Variants in FZR1 observed in about 807,000 individuals in gnomAD.
FZR1 encodes the protein fizzy-related protein homolog.
FZR1 carries 11 observed loss-of-function variants against 63.6 expected under a neutral mutation model. The observed-to-expected ratio is 0.17, with a 90% CI of 0.11 to 0.29. The LOEUF (loss-of-function observed/expected upper bound fraction) is 0.29. Among genes scored for constraint, FZR1 ranks in the 10% least tolerant of loss-of-function variants. FZR1 has a pLI of 1.00. For missense variants in FZR1, 440 were observed against 687.5 expected (o/e 0.64, Z 4.03); for synonymous variants, 328 against 297.9 (o/e 1.10, Z -1.04).
rs772168099 is a variant in FZR1 at position 3,525,744 on chromosome 19, C to T, written c.70-124C>T. ...GGCGTGAGCCACCGCGCCTGGCCCA[C>T]CCCTTGGGTTTTCAAGATCAAAGCC... On this transcript the variant is annotated intron_variant, in intron 2 of 13. Transcript: ENST00000441788. The surrounding 1 kb of genome is among the most constrained non-coding windows in gnomAD (Gnocchi z 4.2). 4 of 1,234,078 alleles carry T rather than the reference C, an allele frequency of 3.2e-6. No homozygotes were observed. Among genetic ancestry groups the T allele is most frequent in the Non-Finnish European group, 3.4e-6 (3 of 885,072 alleles). 76.4% of individuals were successfully genotyped at this position (1,234,078 alleles called of 1,614,324 possible). A position where few individuals can be genotyped will look rare whatever the true frequency, so the allele number is the denominator to read the frequency against.
intron 8 of FZR1, 64 bp downstream of exon 8, chr19:3,530,921 C>A (rs2083240648): frequency 1.5e-6 from 2 of 1,293,314 alleles, no homozygotes; most frequent in Non-Finnish European, 2.2e-6. Context: ...GTGTTGGGGG[C>A]CTTGAAGACC....
intron 6 of FZR1, 101 bp from the exon 7 acceptor site, chr19:3,527,530 C>T: frequency 1.1e-6 from 1 of 895,146 alleles, no homozygotes; most frequent in Non-Finnish European, 1.7e-6. Flanking sequence ...AGGGGCCGGA[C>T]TGGGCTCCTG....
chr19:3,508,997 A>G (rs1223744893), intron 1 of FZR1, among the ~76,000 whole-genome samples: 1 of 152,180 alleles, frequency 6.6e-6, no homozygotes, highest in Non-Finnish European at 1.5e-5. Flanking sequence ...TGCCACAGGG[A>G]CCTGGGCACC....
At chr19:3,518,435 G>A (rs535319450) in intron 1 of FZR1, among the ~76,000 whole-genome samples, 13 of 152,352 alleles carry the variant, frequency 8.5e-5, no homozygotes, top group African/African-American at 2.9e-4. Flanking sequence ...AGCCAAGGGT[G>A]CTGAAAGTAC....
At chr19:3,530,413 TGGGAGAGCGCATGGGAGAGCGGA>T (rs2083232774) in intron 7 of FZR1, among the ~76,000 whole-genome samples, 1 of 73,240 alleles carries the variant, frequency 1.4e-5, no homozygotes, top group Non-Finnish European at 3.1e-5. Context: ...GGAGAGCGCA[TGGGAGAGCGCATGGGAGAGCGGA>T]TGGGAGAGCG....
rs1339672698 is a variant in FZR1, at chr19:3,533,104, CCACCTGTGGCCTCCA to C, written c.1243-184_1243-170del. On this transcript the variant is annotated intron_variant, in intron 11 of 13. Transcript: ENST00000441788. The surrounding 1 kb of genome is among the most constrained non-coding windows in gnomAD (Gnocchi z 4.9). ...AGCCTTTGGCGGTGGGTGGAGGGGTCCACCTGTGGCCTCCACACCTCCTAGACAGACTCAGGTGGC... is the reference window on the plus strand; with the variant it reads ...AGCCTTTGGCGGTGGGTGGAGGGGTCCACCTCCTAGACAGACTCAGGTGGC... 2.0e-5 allele frequency among the ~76,000 whole-genome samples: 3 copies of C among 152,040 alleles called. No individual in the cohort carries two copies. Among genetic ancestry groups the C allele is most frequent in the African/African-American group, 7.3e-5 (3 of 41,378 alleles).
Position 3,534,538 on chromosome 19 carries a change from A to G in FZR1, c.1440+25A>G, listed in dbSNP as rs369223327. On this transcript the variant is annotated intron_variant, in intron 13 of 13. Coordinates refer to ENST00000441788, the MANE Select transcript of FZR1 (RefSeq NM_016263.4). ...GGTAAAGTGGGTCGGTATCAGCGCC[A>G]CTCGCCCCCGCCCCAGCCTGTCCCA... 3 of 1,459,302 alleles carry G rather than the reference A, an allele frequency of 2.1e-6. No individual in the cohort carries two copies. In the African/African-American group the frequency reaches 4.2e-5, roughly 21 times the overall value. The allele number at this position is 1,459,302 out of a possible 1,614,324, so 90.4% of individuals were successfully genotyped here. A position where few individuals can be genotyped will look rare whatever the true frequency, so the allele number is the denominator to read the frequency against.
chr19:3,532,688 G>T (rs1408935558), intron 11 of FZR1, 38 bp downstream of exon 11: 1 of 1,423,042 alleles, frequency 7.0e-7, no homozygotes, highest in South Asian at 1.2e-5. Flanking sequence ...CAGGCCTCAG[G>T]ATGTGCGTCC....
At chr19:3,517,020 ACT>A (rs1404602980) in intron 1 of FZR1, among the ~76,000 whole-genome samples, 1 of 151,924 alleles carries the variant, frequency 6.6e-6, no homozygotes, top group Non-Finnish European at 1.5e-5. Flanking sequence ...TCACAACCAG[ACT>A]CTGCCAGCAA....
intron 1 of FZR1, among the ~76,000 whole-genome samples, chr19:3,522,325 A>T (rs72976608): frequency 4.6e-5 from 7 of 152,276 alleles, no homozygotes; most frequent in Non-Finnish European, 7.4e-5. Flanking sequence ...ACACCTCAAC[A>T]TAAATGCCAC....
At chr19:3,534,553 A>T (rs932514691) in intron 13 of FZR1, 40 bp downstream of exon 13, 12 of 1,357,354 alleles carry the variant, frequency 8.8e-6, no homozygotes, top group Middle Eastern at 1.8e-4. Context: ...CCCCCGCCCC[A>T]GCCTGTCCCA....
intron 13 of FZR1, 124 bp downstream of exon 13, chr19:3,534,637 C>A: frequency 2.2e-6 from 2 of 905,418 alleles, no homozygotes; most frequent in Non-Finnish European, 3.6e-6. Flanking sequence ...TCCCTCACCT[C>A]AAATTCTGGG....
In FZR1 at chr19:3,526,308, C is replaced by T. The variant is rs779756787; in HGVS notation, c.309C>T (p.Gly103=). The part of the protein sequence containing the change: ...ALLKNELLGA[G]IEKVQDPQTE... ...TCAAGAATGAGCTGCTGGGTGCCGGCATCGAGAAGGTGCAGGACCCGCAGA... is the reference window on the plus strand; with the variant it reads ...TCAAGAATGAGCTGCTGGGTGCCGGTATCGAGAAGGTGCAGGACCCGCAGA... Residue 103 remains glycine, a synonymous_variant, in exon 5 of 14, where the codon GGC becomes GGT. Transcript: ENST00000441788. The surrounding 1 kb of genome is among the most constrained non-coding windows in gnomAD (Gnocchi z 5.4). 6.2e-7 allele frequency: 1 copy of T among 1,606,332 alleles called. No homozygotes were observed. Among genetic ancestry groups the T allele is most frequent in the Non-Finnish European group, 8.5e-7 (1 of 1,177,096 alleles).
intron 1 of FZR1, among the ~76,000 whole-genome samples, chr19:3,522,585 C>T (rs147695345): frequency 2.5e-4 from 38 of 152,326 alleles, no homozygotes; most frequent in Middle Eastern, 3.4e-3. Flanking sequence ...CAGACGCACA[C>T]GCACGTGGGT....
intron 7 of FZR1, 74 bp downstream of exon 7, chr19:3,527,888 G>C (rs2083176902): frequency 8.2e-7 from 1 of 1,218,896 alleles, no homozygotes; most frequent in Admixed American, 2.0e-5. Flanking sequence ...TACCCACCGG[G>C]ATCCAGGGAG....
At chr19:3,512,201 G>C (rs2083029192) in intron 1 of FZR1, among the ~76,000 whole-genome samples, 1 of 152,212 alleles carries the variant, frequency 6.6e-6, no homozygotes, top group East Asian at 1.9e-4. Context: ...GAGCAGTCTG[G>C]GGACCTGCGT....
intron 8 of FZR1, among the ~76,000 whole-genome samples, 157 bp from the exon 9 acceptor site, chr19:3,531,557 G>T (rs939021732): frequency 6.6e-6 from 1 of 152,226 alleles, no homozygotes; most frequent in Non-Finnish European, 1.5e-5. Flanking sequence ...ACTGAGGGGG[G>T]TTTATGCTTC....
In FZR1 at chr19:3,537,935, C is replaced by T. The variant is rs1330189066; in HGVS notation, c.*3099C>T. On this transcript the variant is annotated 3_prime_UTR_variant, in exon 14 of 14. Coordinates refer to ENST00000441788, the MANE Select transcript of FZR1 (RefSeq NM_016263.4). ...CACAAGCCTGGCATTTCAGCCAGGG[C>T]TGGAGAAGGCAGGGACGCCTGGGTG... The T allele has an allele frequency of 6.6e-6, 1 of 152,598 alleles. No individual in the cohort carries two copies. Among genetic ancestry groups the T allele is most frequent in the African/African-American group, 2.4e-5 (1 of 41,454 alleles). 9.5% of individuals were successfully genotyped at this position (152,598 alleles called of 1,614,324 possible). A position where few individuals can be genotyped will look rare whatever the true frequency, so the allele number is the denominator to read the frequency against.
rs1190273498 is a variant in FZR1 at position 3,516,319 on chromosome 19, T to G, written c.-34-6637T>G. Among the ~76,000 whole-genome samples, 2 of 152,156 alleles carry G rather than the reference T, an allele frequency of 1.3e-5. No homozygotes were observed. Among genetic ancestry groups the G allele is most frequent in the Non-Finnish European group, 2.9e-5 (2 of 68,012 alleles). ...CGAGGGAGGACTGGTCCTTTCCCAG[T>G]GCGGTTTGTTGGTGTCCTTTGCTAC... On this transcript the variant is annotated intron_variant, in intron 1 of 13. Coordinates refer to ENST00000441788, the MANE Select transcript of FZR1 (RefSeq NM_016263.4). The surrounding 1 kb of genome is among the most constrained non-coding windows in gnomAD (Gnocchi z 6.0).
Sources: gnomAD v4.1 joint callset for allele counts (sites outside exome capture counted in the v4.1 genomes callset) on GRCh38, gnomAD v4.1.1 for gene constraint, Gnocchi (gnomAD v3.1) non-coding constraint, MANE v1.5 for transcripts, NCBI Gene and HGNC (gene_info 2026-07-23, HGNC 2026-07-21) for gene names.